SLC26A6: variants seen among roughly 807,000 people sequenced by gnomAD.
SLC26A6 encodes anion exchange transporter.
In SLC26A6, 67 loss-of-function variants were observed where a neutral mutation model predicts 87.1. That is an observed-to-expected ratio of 0.77 (90% confidence interval 0.63 to 0.94). SLC26A6 has a LOEUF of 0.94. Ranked by LOEUF, SLC26A6 falls within the 40% of genes least tolerant of loss-of-function variation. The pLI is 0.00. For synonymous variants in SLC26A6, 414 were observed against 405.9 expected, an observed-to-expected ratio of 1.02 and a Z score of -0.24; for missense variants, 902 against 973.0, an observed-to-expected ratio of 0.93 and a Z score of 0.97.
Position 48,628,577 on chromosome 3 carries a change from T to TCTGGGAG in SLC26A6, c.1692+38_1693-37dup. 1 of 1,614,006 alleles carries TCTGGGAG rather than the reference T, an allele frequency of 6.2e-7. No individual in the cohort carries two copies. The stretch of plus-strand genomic sequence containing the variant: ...ACATCAGAGAAGGGTTGGTGAGCTC[T>TCTGGGAG]CTGGGAGCTGGGGCCTGACACCCAT... On this transcript the variant is annotated intron_variant, in intron 15 of 20. Coordinates refer to ENST00000395550, the MANE Select transcript of SLC26A6 (RefSeq NM_022911.3). The surrounding 1 kb of genome is among the most constrained non-coding windows in gnomAD (Gnocchi z 4.4).
At position 48,631,524 on chromosome 3, in the gene SLC26A6, C is replaced by T; in HGVS notation, c.903+125G>A. On this transcript the variant is annotated intron_variant, in intron 7 of 20. Transcript: ENST00000395550. Reference sequence around the variant, plus strand: ...CATAGGGGCTTTCTGCTGTGCCCCCCACAATACCCAAGAACCCTCCCAGCC... The same window carrying T: ...CATAGGGGCTTTCTGCTGTGCCCCCTACAATACCCAAGAACCCTCCCAGCC... The T allele has an allele frequency of 3.8e-6, 5 of 1,317,290 alleles. No homozygotes were observed. The East Asian group carries it at 7.5e-5, about 20-fold the overall frequency. 81.6% of individuals were successfully genotyped at this position (1,317,290 alleles called of 1,614,324 possible).
chr3:48,631,013 A>G lies in SLC26A6; in HGVS notation c.1114T>C (p.Tyr372His), dbSNP rs1343230121. 1.2e-6 allele frequency: 2 copies of G among 1,613,804 alleles called. No individual in the cohort carries two copies. Among genetic ancestry groups the G allele is most frequent in the Non-Finnish European group, 1.7e-6 (2 of 1,180,020 alleles). ...CAGACCTGGTTGCTGTCCACCCGGT[A>G]GCCGTGCCTCAGGGCGAAGATCTTC... Reference protein sequence around the residue: ...LGKIFALRHGYRVDSNQELVA... With the variant: ...LGKIFALRHGHRVDSNQELVA... The change falls in exon 9 of 21, where the codon TAC (tyrosine) becomes CAC (histidine). Residue 372 changes from tyrosine to histidine, a missense_variant. Physicochemically the swap from Tyr to His is moderately conservative, Grantham distance 83. Transcript: ENST00000395550.
Position 48,628,699 on chromosome 3 carries a change from C to T in SLC26A6, c.1615G>A (p.Gly539Arg). The T allele has an allele frequency of 2.5e-6, 4 of 1,613,404 alleles. No homozygotes were observed. The highest frequency in any genetic ancestry group is 3.4e-6 in the Non-Finnish European group (4 of 1,179,814). The change falls in exon 15 of 21, where the codon GGG (glycine) becomes AGG (arginine). Residue 539 changes from glycine to arginine, a missense_variant. By Grantham distance (125) the Gly-to-Arg change is moderately radical. This residue lies in a region of SLC26A6 where 800 missense variants were observed against 856.8 expected (regional missense o/e 0.93). Transcript: ENST00000395550. The surrounding 1 kb of genome is among the most constrained non-coding windows in gnomAD (Gnocchi z 4.4). ...GCCGAGGAGCGGAAGACCTTCACCC[C>T]CCGGACTTCCTTGGCCTGGGGATGA... ...AEYSEAKEVRGVKVFRSSATV... is the reference protein window; with the variant it reads ...AEYSEAKEVRRVKVFRSSATV...
In SLC26A6 at chr3:48,631,660, C is replaced by T. The variant is rs768589936; in HGVS notation, c.892G>A (p.Glu298Lys). 6.2e-7 allele frequency: 1 copy of T among 1,613,238 alleles called. No individual in the cohort carries two copies. The highest frequency in any genetic ancestry group is 8.5e-7 in the Non-Finnish European group (1 of 1,179,888). ...CCTGGCCCTCGAACCGTGAGCAGCT[C>T]CCCGGGTATCGGCATGGGCAGCTGC... is the stretch of plus-strand genomic sequence containing the variant. ...QQQLPMPIPG[E>K]LLTLIGATGI... is the part of the protein sequence containing the mutation. Residue 298 changes from glutamate (E) to lysine (K), a missense_variant, in exon 7 of 21, where the codon GAG becomes AAG. Physicochemically the swap from Glu to Lys is moderately conservative, Grantham distance 56. Transcript: ENST00000395550.
chr3:48,630,482 G>C lies in SLC26A6; in HGVS notation c.1282C>G (p.Leu428Val). ...AGTTCCCCAAGTTTGACAATGATGA[G>C]GAGGATGAAAAGGGAAGAGATGGCT... The part of the protein sequence containing the change: ...AGAISSLFIL[L>V]IIVKLGELFH... Residue 428 changes from leucine (L) to valine (V), a missense_variant, in exon 11 of 21, where the codon CTC becomes GTC. Transcript: ENST00000395550. 1 of 1,561,714 alleles carries C rather than the reference G, an allele frequency of 6.4e-7. No homozygotes were observed. The highest frequency in any genetic ancestry group is 8.7e-7 in the Non-Finnish European group (1 of 1,152,640).
chr3:48,625,811 C>A lies in SLC26A6; in HGVS notation c.*175G>T. The A allele has an allele frequency of 2.7e-6, 2 of 738,576 alleles. No homozygotes were observed. Among genetic ancestry groups the A allele is most frequent in the South Asian group, 1.8e-5 (1 of 56,732 alleles). 45.8% of individuals were successfully genotyped at this position (738,576 alleles called of 1,614,324 possible). ...CACTGCCAGCCTGACTGCATGCAGG[C>A]CCTGTCCCAGACCTGGAGCGCTGAA... On this transcript the variant is annotated 3_prime_UTR_variant, in exon 21 of 21. Transcript: ENST00000395550. The surrounding 1 kb of genome is among the most constrained non-coding windows in gnomAD (Gnocchi z 4.7).
chr3:48,632,938 G>C (rs764310102), intron 4 of SLC26A6, 36 bp downstream of exon 4: 1 of 1,574,964 alleles, frequency 6.3e-7, no homozygotes, highest in East Asian at 2.2e-5. Flanking sequence ...ATGGATGTGG[G>C]CATCCTCCTG....
At position 48,631,313 on chromosome 3, in the gene SLC26A6, G is replaced by A. The variant is rs1395780445; in HGVS notation, c.904-7C>T. 1 of 1,576,806 alleles carries A rather than the reference G, an allele frequency of 6.3e-7. No homozygotes were observed. Among genetic ancestry groups the A allele is most frequent in the Non-Finnish European group, 8.6e-7 (1 of 1,160,692 alleles). ...TGCCTGTGGCCCCGATGAGCTGTGGGAGAGGACAGAGTCAGGGAGGCAGGT... is the reference window on the plus strand; with the variant it reads ...TGCCTGTGGCCCCGATGAGCTGTGGAAGAGGACAGAGTCAGGGAGGCAGGT... On this transcript the variant is annotated splice_region_variant and splice_polypyrimidine_tract_variant and intron_variant, in intron 7 of 20. Coordinates refer to ENST00000395550, the MANE Select transcript of SLC26A6 (RefSeq NM_022911.3).
In SLC26A6 at chr3:48,633,606, G is replaced by C; in HGVS notation, c.53C>G (p.Ala18Gly). ...CCTCCGCAGGTCCATTGCTTGTGTT[G>C]CAGACAGCAGTGCCTGTGTGTCCCT... ...GPRDTQALLS[A>G]TQAMDLRRRD... The change falls in exon 2 of 21, where the codon GCA becomes GGA. Residue 18 changes from alanine (A) to glycine (G), a missense_variant. Ala to Gly is a moderately conservative substitution (Grantham distance 60). This residue lies in a region of SLC26A6 where 800 missense variants were observed against 856.8 expected (regional missense o/e 0.93). Coordinates refer to ENST00000395550, the MANE Select transcript of SLC26A6 (RefSeq NM_022911.3). The C allele has an allele frequency of 6.2e-7, 1 of 1,613,552 alleles. No individual in the cohort carries two copies.
At chr3:48,631,453 C>T (rs935990765) in intron 7 of SLC26A6, 147 bp from the exon 8 acceptor site, 37 of 1,117,640 alleles carry the variant, frequency 3.3e-5, no homozygotes, top group Middle Eastern at 5.2e-4. Context: ...ACAGGCAACA[C>T]CATTTCGGCT....
Position 48,631,738 on chromosome 3 carries a change from C to A in SLC26A6, c.814G>T (p.Val272Leu), listed in dbSNP as rs1407648475. Residue 272 changes from valine (V) to leucine (L), a missense_variant, in exon 7 of 21, where the codon GTG becomes TTG. Coordinates refer to ENST00000395550, the MANE Select transcript of SLC26A6 (RefSeq NM_022911.3). ...SKVGTVVTAA[V>L]AGVVLVVVKL... ...ACCACCACGAGCACCACCCCAGCCA[C>A]AGCTGCAGTGACCACGGTGCCAACC... 2 of 1,613,508 alleles carry A rather than the reference C, an allele frequency of 1.2e-6. No homozygotes were observed. The highest frequency in any genetic ancestry group is 2.7e-5 in the African/African-American group (2 of 74,942).
rs373246735 is a variant in SLC26A6 at position 48,628,678 on chromosome 3, A to G, written c.1636T>C (p.Ser546Pro). The change falls in exon 15 of 21, where the codon TCG becomes CCG. Residue 546 changes from serine (S) to proline (P), a missense_variant. Ser to Pro is a moderately conservative substitution (Grantham distance 74, BLOSUM62 -1). Coordinates refer to ENST00000395550, the MANE Select transcript of SLC26A6 (RefSeq NM_022911.3). This position sits in a 1 kb window ranked among gnomAD's most constrained non-coding sequence, Gnocchi z 4.4. ...EVRGVKVFRS[S>P]ATVYFANAEF... is the part of the protein sequence containing the mutation. Reference sequence around the variant, plus strand: ...GCATTGGCAAAGTACACGGTGGCCGAGGAGCGGAAGACCTTCACCCCCCGG... The same window carrying G: ...GCATTGGCAAAGTACACGGTGGCCGGGGAGCGGAAGACCTTCACCCCCCGG... The G allele has an allele frequency of 6.2e-7, 1 of 1,613,396 alleles. No individual in the cohort carries two copies. The highest frequency in any genetic ancestry group is 8.5e-7 in the Non-Finnish European group (1 of 1,179,858).
At chr3:48,631,612 C>G (rs762135666) in intron 7 of SLC26A6, 37 bp downstream of exon 7, 53 of 1,601,392 alleles carry the variant, frequency 3.3e-5, no homozygotes, top group Non-Finnish European at 4.4e-5. Flanking sequence ...GCCTGACCTG[C>G]CCTTCTCCCC....
In SLC26A6 at chr3:48,631,757, G is replaced by A. The variant is rs1332748311; in HGVS notation, c.795C>T (p.Gly265=). Residue 265 remains glycine, a synonymous_variant, in exon 7 of 21, where the codon GGC becomes GGT. Transcript: ENST00000395550. ...CAGCCACAGCTGCAGTGACCACGGT[G>A]CCAACCTTGCTCTGGGGCAGCTTCC... is the stretch of plus-strand genomic sequence containing the variant. ...VCWKLPQSKV[G]TVVTAAVAGV... is the part of the protein sequence containing the mutation. 3 of 1,613,542 alleles carry A rather than the reference G, an allele frequency of 1.9e-6. No homozygotes were observed. In the South Asian group the frequency reaches 3.3e-5, roughly 18 times the overall value.
intron 1 of SLC26A6, 107 bp downstream of exon 1, chr3:48,635,264 G>A: frequency 2.6e-6 from 3 of 1,168,270 alleles, no homozygotes; most frequent in African/African-American, 2.1e-5. Flanking sequence ...GGTAAACCGA[G>A]GCGTCGCAAG....
chr3:48,631,155 T>A lies in SLC26A6; in HGVS notation c.987-15A>T. On this transcript the variant is annotated splice_polypyrimidine_tract_variant and intron_variant, in intron 8 of 20. Coordinates refer to ENST00000395550, the MANE Select transcript of SLC26A6 (RefSeq NM_022911.3). ...GGGGCACCAGCCTGTGAGAGGTATC[T>A]GTGAGGCCAAAGCAAGGTCCTGTCC... 1 of 1,613,706 alleles carries A rather than the reference T, an allele frequency of 6.2e-7. No homozygotes were observed. Among genetic ancestry groups the A allele is most frequent in the East Asian group, 2.2e-5 (1 of 44,874 alleles).
Position 48,628,751 on chromosome 3 carries a change from C to T in SLC26A6, c.1600-37G>A, listed in dbSNP as rs1209845645. 1.2e-6 allele frequency: 2 copies of T among 1,601,124 alleles called. No individual in the cohort carries two copies. The highest frequency in any genetic ancestry group is 1.7e-6 in the Non-Finnish European group (2 of 1,173,498). ...GCAGAACTGGTGGTGGCTGAATCTC[C>T]TCTCTCCTGGCTGCATCCTGTTCTC... On this transcript the variant is annotated intron_variant, in intron 14 of 20. Coordinates refer to ENST00000395550, the MANE Select transcript of SLC26A6 (RefSeq NM_022911.3). This position sits in a 1 kb window ranked among gnomAD's most constrained non-coding sequence, Gnocchi z 4.4.
At chr3:48,629,353 C>T (rs2046715123) in intron 14 of SLC26A6, among the ~76,000 whole-genome samples, 1 of 152,198 alleles carries the variant, frequency 6.6e-6, no homozygotes. Context: ...CCCCAGGGAG[C>T]TGCCATTCCG....
intron 17 of SLC26A6, chr3:48,627,560 G>A (rs185534688): frequency 1.9e-4 from 35 of 188,642 alleles, no homozygotes; most frequent in African/African-American, 5.7e-4. Flanking sequence ...CTGCAGCCCC[G>A]AGCTCCTGGG....
Sources: gnomAD v4.1 joint callset for allele counts (sites outside exome capture counted in the v4.1 genomes callset) on GRCh38, gnomAD v4.1.1 for gene constraint, gnomAD v4.1.1 regional missense constraint, Gnocchi (gnomAD v3.1) non-coding constraint, MANE v1.5 for transcripts, NCBI Gene and HGNC (gene_info 2026-07-23, HGNC 2026-07-21) for gene names.